Variants in AKT3 observed in about 807,000 individuals in gnomAD.
AKT3 encodes the protein AKT serine/threonine kinase 3.
In AKT3, 15 loss-of-function variants were observed where a neutral mutation model predicts 65.3. The ratio of observed to expected loss-of-function variants is 0.23; its 90% CI spans 0.15 to 0.35. The LOEUF (loss-of-function observed/expected upper bound fraction) is 0.35, where lower values mean the gene tolerates loss of function less well. Ranked by LOEUF, AKT3 falls within the 10% of genes least tolerant of loss-of-function variation. AKT3 has a pLI of 1.00. For missense variants in AKT3, 243 were observed against 576.5 expected (o/e 0.42, Z 5.92); for synonymous variants, 206 against 183.8 (o/e 1.12, Z -0.98).
chr1:243,531,945 C>T (rs1439251454), intron 12 of AKT3, among the ~76,000 whole-genome samples: 1 of 152,108 alleles, frequency 6.6e-6, no homozygotes, highest in Non-Finnish European at 1.5e-5. Context: ...AATGTATTTT[C>T]TAGCTTGCTT....
At chr1:243,635,027 T>C (rs559522035) in intron 6 of AKT3, among the ~76,000 whole-genome samples, 1 of 152,122 alleles carries the variant, frequency 6.6e-6, no homozygotes, top group Non-Finnish European at 1.5e-5. Context: ...TACAGTCTTT[T>C]CAAGTGCATA....
chr1:243,693,350 C>G (rs760459412), intron 3 of AKT3, among the ~76,000 whole-genome samples: 5 of 137,854 alleles, frequency 3.6e-5, no homozygotes, highest in Non-Finnish European at 7.7e-5. Context: ...TAAAAATGTA[C>G]TAAAGGGGGC....
At chr1:243,650,822 G>C (rs1029534613) in intron 4 of AKT3, among the ~76,000 whole-genome samples, 9 of 152,134 alleles carry the variant, frequency 5.9e-5, no homozygotes, top group Non-Finnish European at 8.8e-5. Context: ...AGTATAGTTT[G>C]AAGTCAGGCA....
intron 2 of AKT3, among the ~76,000 whole-genome samples, chr1:243,825,502 A>G (rs996607729): frequency 6.6e-6 from 1 of 152,228 alleles, no homozygotes; most frequent in African/African-American, 2.4e-5. Flanking sequence ...AACCATTAAA[A>G]TATGTGGCTT....
rs767776749 is a variant in AKT3 at position 243,695,733 on chromosome 1, C to T, written c.47-17G>A. 2.2e-5 allele frequency: 35 copies of T among 1,569,514 alleles called. No homozygotes were observed. The highest frequency in any genetic ancestry group is 1.9e-4 in the African/African-American group (14 of 72,654). On this transcript the variant is annotated splice_polypyrimidine_tract_variant and intron_variant, in intron 2 of 13. Coordinates refer to ENST00000673466, the MANE Select transcript of AKT3 (RefSeq NM_005465.7). ...TATATTCTCCTACATGAGGAAAGCA[C>T]GCATGTTAATGCTGAAAAAAATGAA...
At chr1:243,711,739 T>G (rs1280834355) in intron 2 of AKT3, among the ~76,000 whole-genome samples, 2 of 152,234 alleles carry the variant, frequency 1.3e-5, no homozygotes, top group African/African-American at 4.8e-5. Context: ...ATTGTTTCCT[T>G]CTTTCAAAAG....
chr1:243,829,729 T>G, intron 2 of AKT3, among the ~76,000 whole-genome samples: 1 of 152,158 alleles, frequency 6.6e-6, no homozygotes, highest in South Asian at 2.1e-4. Flanking sequence ...TATAAGAAAG[T>G]AGAACCCTTC....
At position 243,505,070 on chromosome 1, in the gene AKT3, G is replaced by C. The variant is rs1669580140; in HGVS notation, c.*179C>G. ...TTCATGCAAAAACAAAAACTGGAGTGTATTTGCGTGTATGTGTGTTTTCAT... is the reference window on the plus strand; with the variant it reads ...TTCATGCAAAAACAAAAACTGGAGTCTATTTGCGTGTATGTGTGTTTTCAT... On this transcript the variant is annotated 3_prime_UTR_variant, in exon 14 of 14. Transcript: ENST00000673466. 1 of 582,984 alleles carries C rather than the reference G, an allele frequency of 1.7e-6. No individual in the cohort carries two copies. The highest frequency in any genetic ancestry group is 3.1e-6 in the Non-Finnish European group (1 of 327,848). 36.1% of individuals were successfully genotyped at this position (582,984 alleles called of 1,614,324 possible). A position where few individuals can be genotyped will look rare whatever the true frequency, so the allele number is the denominator to read the frequency against.
intron 11 of AKT3, among the ~76,000 whole-genome samples, chr1:243,547,725 A>G (rs1672772401): frequency 6.6e-6 from 1 of 152,244 alleles, no homozygotes; most frequent in Admixed American, 6.5e-5. Flanking sequence ...ATTAGATCTA[A>G]GAAACACATG....
chr1:243,703,760 CAAAAAAAA>C (rs370671685), intron 2 of AKT3, among the ~76,000 whole-genome samples: 3 of 78,406 alleles, frequency 3.8e-5, no homozygotes, highest in Non-Finnish European at 7.1e-5. Context: ...GACTCCATCT[CAAAAAAAA>C]AAAAAAAAAA....
chr1:243,526,084 C>A (rs1218288505), intron 12 of AKT3, among the ~76,000 whole-genome samples: 1 of 151,584 alleles, frequency 6.6e-6, no homozygotes, highest in African/African-American at 2.4e-5. Flanking sequence ...ACTGAATTTC[C>A]CTGATTGTGG....
chr1:243,497,470 G>C (rs1305991453), downstream of AKT3, among the ~76,000 whole-genome samples: 2 of 152,194 alleles, frequency 1.3e-5, no homozygotes, highest in South Asian at 2.1e-4. Flanking sequence ...CCGCAGGAAG[G>C]AATCAGGCTG....
intron 8 of AKT3, among the ~76,000 whole-genome samples, chr1:243,575,215 T>G (rs895035113): frequency 6.6e-6 from 1 of 152,196 alleles, no homozygotes; most frequent in African/African-American, 2.4e-5. Context: ...ATTTCTGGGC[T>G]TTGGTAATAT....
chr1:243,618,008 C>T (rs1239084453), intron 6 of AKT3, among the ~76,000 whole-genome samples: 1 of 152,044 alleles, frequency 6.6e-6, no homozygotes. Flanking sequence ...TAGGAAAAGA[C>T]TAGAGAAAAG....
chr1:243,635,662 C>T (rs952920865), intron 6 of AKT3, among the ~76,000 whole-genome samples: 17 of 151,790 alleles, frequency 1.1e-4, no homozygotes, highest in African/African-American at 3.4e-4. Flanking sequence ...TTTATATAGT[C>T]CCAGAGTATT....
intron 3 of AKT3, among the ~76,000 whole-genome samples, chr1:243,677,390 C>A (rs1683593211): frequency 6.6e-6 from 1 of 152,110 alleles, no homozygotes; most frequent in Admixed American, 6.5e-5. Context: ...TCTCATAGTT[C>A]TTTTCTATTC....
intron 2 of AKT3, among the ~76,000 whole-genome samples, chr1:243,810,267 T>A (rs904762805): frequency 5.9e-5 from 9 of 151,798 alleles, no homozygotes; most frequent in South Asian, 2.1e-4. Flanking sequence ...AACAAAATTG[T>A]TAGACCACTA....
At chr1:243,552,353 G>A (rs1349774010) in intron 11 of AKT3, among the ~76,000 whole-genome samples, 1 of 150,706 alleles carries the variant, frequency 6.6e-6, no homozygotes, top group East Asian at 1.9e-4. Flanking sequence ...CGGGTGGGAG[G>A]AGAGTATTGA....
chr1:243,544,889 G>C (rs994615784), intron 12 of AKT3, among the ~76,000 whole-genome samples: 2 of 151,250 alleles, frequency 1.3e-5, no homozygotes, highest in Non-Finnish European at 1.5e-5. Flanking sequence ...TAGAGATGGG[G>C]TCTCACTGTG....
Sources: gnomAD v4.1 joint callset for allele counts (sites outside exome capture counted in the v4.1 genomes callset) on GRCh38, gnomAD v4.1.1 for gene constraint, MANE v1.5 for transcripts, NCBI Gene and HGNC (gene_info 2026-07-23, HGNC 2026-07-21) for gene names.